The following DMD variants were observed in gnomAD, a reference collection of about 807,000 sequenced individuals.
The protein encoded by DMD is mutant dystrophin.
DMD carries 63 observed loss-of-function variants against 330.1 expected under a neutral mutation model. That is an observed-to-expected ratio of 0.19 (90% CI 0.16 to 0.24). The LOEUF is 0.24. Among genes scored for constraint, DMD ranks in the 10% least tolerant of loss-of-function variants. The pLI, the probability that DMD is intolerant of heterozygous loss-of-function variation, is 1.00. For synonymous variants in DMD, 1,223 were observed against 959.8 expected (o/e 1.27, Z -5.07); for missense variants, 3,344 against 2,684.1 (o/e 1.25, Z -5.43).
At chrX:33,195,653 A>G (rs897534647) in intron 1 of DMD, among the ~76,000 whole-genome samples, 2 of 111,014 alleles carry the variant, frequency 1.8e-5, no homozygotes, top group Non-Finnish European at 3.8e-5. Context: ...ATTTTAGTCT[A>G]AGATTTATAA....
At chrX:32,832,779 T>G (rs1402069470) in intron 4 of DMD, among the ~76,000 whole-genome samples, 1 of 111,897 alleles carries the variant, frequency 8.9e-6, no homozygotes, top group Non-Finnish European at 1.9e-5. Context: ...GAGAGATGCA[T>G]GTATTGAATC....
At chrX:31,392,844 C>T (rs1391404236) in intron 60 of DMD, among the ~76,000 whole-genome samples, 2 of 112,141 alleles carry the variant, frequency 1.8e-5, no homozygotes, top group East Asian at 5.6e-4. Flanking sequence ...GAATGAATGT[C>T]ACACCAAGAA....
At chrX:31,879,213 G>GGT (rs369224644) in intron 47 of DMD, among the ~76,000 whole-genome samples, 1 of 94,591 alleles carries the variant, frequency 1.1e-5, no homozygotes, top group Non-Finnish European at 2.0e-5. Context: ...ACATGGCGGG[G>GGT]GGGGGCCTCA....
chrX:32,728,189 T>C (rs771591474), intron 7 of DMD, among the ~76,000 whole-genome samples: 3 of 111,167 alleles, frequency 2.7e-5, no homozygotes, highest in Non-Finnish European at 3.8e-5. Context: ...AAATATAAAA[T>C]TCAAAAATGT....
At chrX:31,678,185 A>G (rs962216132) in intron 53 of DMD, among the ~76,000 whole-genome samples, 1 of 112,243 alleles carries the variant, frequency 8.9e-6, no homozygotes, top group Admixed American at 9.5e-5. Context: ...AGCTTAGCAT[A>G]GCCTAACCTG....
In DMD at chrX:32,135,314, C is replaced by T. The variant is rs192084805; in HGVS notation, c.6438+81602G>A. The stretch of plus-strand genomic sequence containing the variant: ...GCAAATATATGGAAATGATTCCCTT[C>T]TTAAAACAGTAACAAAAGGTGTGTT... On this transcript the variant is annotated intron_variant, in intron 44 of 78. Coordinates refer to ENST00000357033, the MANE Select transcript of DMD (RefSeq NM_004006.3). Among the ~76,000 whole-genome samples, 465 of 112,770 alleles carry T rather than the reference C, an allele frequency of 4.1e-3. 1 individual carries two copies. The highest frequency in any genetic ancestry group is 6.3e-3 in the Non-Finnish European group (336 of 53,343).
At chrX:31,992,579 T>C (rs769259818) in intron 44 of DMD, among the ~76,000 whole-genome samples, 1 of 111,312 alleles carries the variant, frequency 9.0e-6, no homozygotes, top group Non-Finnish European at 1.9e-5. Context: ...TGATCACGTA[T>C]GGTCCCTCGT....
intron 4 of DMD, among the ~76,000 whole-genome samples, chrX:32,840,501 G>A (rs1456802689): frequency 3.6e-5 from 4 of 110,968 alleles, no homozygotes; most frequent in East Asian, 2.8e-4. Flanking sequence ...AACTTGATGC[G>A]TTTTCTTACA....
intron 30 of DMD, among the ~76,000 whole-genome samples, chrX:32,397,960 G>C (rs774790119): frequency 1.8e-5 from 2 of 111,065 alleles, no homozygotes; most frequent in East Asian, 5.6e-4. Context: ...TTCATGTTGA[G>C]ACTACTGATT....
chrX:31,789,322 T>G (rs1230242950), intron 50 of DMD, among the ~76,000 whole-genome samples: 1 of 111,322 alleles, frequency 9.0e-6, no homozygotes. Flanking sequence ...AAGCTGGTAA[T>G]AACTTAACTT....
chrX:33,129,704 C>T (rs1054169084), intron 1 of DMD, among the ~76,000 whole-genome samples: 2 of 110,004 alleles, frequency 1.8e-5, no homozygotes, highest in Non-Finnish European at 3.8e-5. Flanking sequence ...GGAAAAATCT[C>T]ATTAATCGTA....
chrX:33,122,638 A>G (rs771233751), intron 1 of DMD, among the ~76,000 whole-genome samples: 1 of 112,762 alleles, frequency 8.9e-6, no homozygotes, highest in East Asian at 2.8e-4. Context: ...TTTTCAAATA[A>G]CATGAGTTTA....
intron 11 of DMD, among the ~76,000 whole-genome samples, chrX:32,628,405 T>C (rs1249151800): frequency 9.5e-6 from 1 of 105,594 alleles, no homozygotes; most frequent in Non-Finnish European, 1.9e-5. Context: ...AGTGACTGGA[T>C]CTCATTCTTT....
intron 1 of DMD, among the ~76,000 whole-genome samples, chrX:33,218,290 T>C (rs888134477): frequency 1.8e-5 from 2 of 111,585 alleles, no homozygotes; most frequent in Non-Finnish European, 3.8e-5. Flanking sequence ...GTCTGTAATT[T>C]GTTGACTCTT....
chrX:32,783,000 TAC>T (rs753137004), intron 7 of DMD, among the ~76,000 whole-genome samples: 228 of 103,807 alleles, frequency 2.2e-3, no homozygotes, highest in African/African-American at 7.5e-3. Context: ...TGTGTATATA[TAC>T]ACACACACGT....
chrX:32,310,099 G>C lies in DMD; in HGVS notation c.6100C>G (p.Gln2034Glu). The C allele has an allele frequency of 8.3e-7, 1 of 1,208,424 alleles. No individual in the cohort carries two copies. The highest frequency in any genetic ancestry group is 1.1e-6 in the Non-Finnish European group (1 of 893,184). ...GGTTTTACCTTCAGAGACTCCTCTTGCTTAAAGAGATCTTCAAAGTCCTTA... is the reference window on the plus strand; with the variant it reads ...GGTTTTACCTTCAGAGACTCCTCTTCCTTAAAGAGATCTTCAAAGTCCTTA... Reference protein sequence around the residue: ...CAKDFEDLFKQEESLKNIKDS... With the variant: ...CAKDFEDLFKEEESLKNIKDS... The change falls in exon 42 of 79, where the codon CAA becomes GAA. Residue 2034 changes from glutamine (Q) to glutamate (E), a missense_variant. Coordinates refer to ENST00000357033, the MANE Select transcript of DMD (RefSeq NM_004006.3).
intron 7 of DMD, among the ~76,000 whole-genome samples, chrX:32,734,436 C>CG: frequency 9.5e-6 from 1 of 105,546 alleles, no homozygotes; most frequent in Non-Finnish European, 1.9e-5. Flanking sequence ...CATCCTGATA[C>CG]GAAAGCCTGG....
intron 48 of DMD, among the ~76,000 whole-genome samples, chrX:31,867,414 C>T (rs1603504403): frequency 9.0e-6 from 1 of 110,894 alleles, no homozygotes; most frequent in East Asian, 2.8e-4. Flanking sequence ...CATAGGTAGC[C>T]ATGCATTCTT....
At chrX:32,898,516 T>C (rs930811117) in intron 2 of DMD, among the ~76,000 whole-genome samples, 1 of 112,383 alleles carries the variant, frequency 8.9e-6, no homozygotes, top group Non-Finnish European at 1.9e-5. Context: ...CCTCCAAAGT[T>C]GGCAGGGTAT....
Sources: gnomAD v4.1 joint callset for allele counts (sites outside exome capture counted in the v4.1 genomes callset) on GRCh38, gnomAD v4.1.1 for gene constraint, MANE v1.5 for transcripts, NCBI Gene and HGNC (gene_info 2026-07-23, HGNC 2026-07-21) for gene names.